The following CDH13 variants were observed in gnomAD, a reference collection of about 807,000 sequenced individuals.
The protein encoded by CDH13 is cadherin-13.
Under a neutral mutation model 63.8 loss-of-function variants are expected in CDH13, and 24 were observed. That is an observed-to-expected ratio of 0.38 (90% CI 0.27 to 0.53). CDH13 has a LOEUF of 0.53. Among genes scored for constraint, CDH13 ranks in the 20% least tolerant of loss-of-function variants. The probability of loss-of-function intolerance (pLI) is 0.85; values close to 1 mark genes in which losing one functional copy is unlikely to be tolerated. For missense variants in CDH13, 1,049 were observed against 903.1 expected (o/e 1.16, Z -2.07); for synonymous variants, 503 against 355.3 (o/e 1.42, Z -4.67).
intron 8 of CDH13, among the ~76,000 whole-genome samples, chr16:83,660,357 C>A (rs1205862480): frequency 6.6e-6 from 1 of 152,168 alleles, no homozygotes; most frequent in African/African-American, 2.4e-5. Flanking sequence ...GTATTAGATT[C>A]TCATGAGGAA....
At chr16:83,660,117 G>C (rs912263930) in intron 8 of CDH13, among the ~76,000 whole-genome samples, 14 of 152,158 alleles carry the variant, frequency 9.2e-5, no homozygotes, top group Non-Finnish European at 2.1e-4. Flanking sequence ...CCAGGAACTG[G>C]TTTTGTGGAA....
At chr16:83,487,679 ACAT>A (rs2073921467) in intron 7 of CDH13, among the ~76,000 whole-genome samples, 1 of 152,084 alleles carries the variant, frequency 6.6e-6, no homozygotes, top group Non-Finnish European at 1.5e-5. Flanking sequence ...CCTGCTCCTG[ACAT>A]CATCCCACAG....
At chr16:82,905,097 G>A (rs1470490306) in intron 2 of CDH13, among the ~76,000 whole-genome samples, 5 of 152,170 alleles carry the variant, frequency 3.3e-5, no homozygotes, top group Non-Finnish European at 5.9e-5. Context: ...TTCTTCAAGG[G>A]AAGTAGGGGG....
intron 3 of CDH13, among the ~76,000 whole-genome samples, chr16:83,119,874 A>G (rs1193447565): frequency 6.6e-6 from 1 of 152,224 alleles, no homozygotes; most frequent in East Asian, 1.9e-4. Context: ...AGAAGTAGAC[A>G]CTTGGCCACA....
At chr16:83,240,622 G>T (rs1034881830) in intron 5 of CDH13, among the ~76,000 whole-genome samples, 2 of 150,766 alleles carry the variant, frequency 1.3e-5, no homozygotes, top group East Asian at 3.9e-4. Flanking sequence ...AAAGAGAGGA[G>T]GGTTGAGGGT....
At chr16:83,259,234 G>T (rs1906665489) in intron 5 of CDH13, among the ~76,000 whole-genome samples, 1 of 152,172 alleles carries the variant, frequency 6.6e-6, no homozygotes, top group African/African-American at 2.4e-5. Context: ...CTGAGCTTCA[G>T]TTTCTCATCT....
intron 1 of CDH13, among the ~76,000 whole-genome samples, chr16:82,724,628 G>A (rs914875117): frequency 6.8e-6 from 1 of 147,518 alleles, no homozygotes; most frequent in Non-Finnish European, 1.5e-5. Flanking sequence ...AGTTCACACT[G>A]TATGTGTGTG....
chr16:83,454,386 C>G lies in CDH13; in HGVS notation c.782-32091C>G, dbSNP rs555026236. Among the ~76,000 whole-genome samples, 3 of 152,138 alleles carry G rather than the reference C, an allele frequency of 2.0e-5. No homozygotes were observed. In the East Asian group the frequency reaches 5.8e-4, roughly 29 times the overall value. On this transcript the variant is annotated intron_variant, in intron 6 of 13. Transcript: ENST00000567109. Reference sequence around the variant, plus strand: ...TTACCTTTTTTAATTCAGAAAATACCTTTTCAATATTGACACTAGAAATCA... The same window carrying G: ...TTACCTTTTTTAATTCAGAAAATACGTTTTCAATATTGACACTAGAAATCA...
intron 10 of CDH13, among the ~76,000 whole-genome samples, chr16:83,736,893 C>T (rs1365057564): frequency 6.6e-6 from 1 of 152,192 alleles, no homozygotes; most frequent in Admixed American, 6.5e-5. Context: ...AGCAGACTTG[C>T]TTGCCTGGAA....
chr16:83,593,173 G>A (rs533102402), intron 7 of CDH13, among the ~76,000 whole-genome samples: 6 of 152,304 alleles, frequency 3.9e-5, no homozygotes, highest in African/African-American at 1.4e-4. Context: ...TTGCAAGGAC[G>A]CTTGTGATGC....
At chr16:82,674,918 C>T (rs908362901) in intron 1 of CDH13, among the ~76,000 whole-genome samples, 1 of 148,730 alleles carries the variant, frequency 6.7e-6, no homozygotes, top group Non-Finnish European at 1.5e-5. Context: ...AAGTCATAAT[C>T]TATTAATTTG....
intron 5 of CDH13, among the ~76,000 whole-genome samples, chr16:83,250,105 C>G (rs1179497771): frequency 6.6e-6 from 1 of 151,976 alleles, no homozygotes; most frequent in Non-Finnish European, 1.5e-5. Flanking sequence ...CCATGGGTGT[C>G]AGAGCAACAG....
chr16:83,393,867 A>G (rs1048489188), intron 6 of CDH13, among the ~76,000 whole-genome samples: 1 of 152,174 alleles, frequency 6.6e-6, no homozygotes. Context: ...GGCAATGAGA[A>G]CTGTAGAGAG....
intron 4 of CDH13, among the ~76,000 whole-genome samples, chr16:83,203,023 C>T (rs570065706): frequency 4.0e-5 from 6 of 151,706 alleles, no homozygotes; most frequent in South Asian, 2.1e-4. Flanking sequence ...GTCACAAGTT[C>T]GAGACCAGCC....
intron 8 of CDH13, among the ~76,000 whole-genome samples, chr16:83,610,389 T>C (rs183340744): frequency 4.2e-4 from 64 of 152,298 alleles, no homozygotes; most frequent in African/African-American, 1.5e-3. Context: ...AACTTCCATA[T>C]GAAAAAAGTA....
intron 1 of CDH13, among the ~76,000 whole-genome samples, chr16:82,759,430 C>T (rs770568109): frequency 4.5e-4 from 69 of 151,790 alleles, no homozygotes; most frequent in Non-Finnish European, 4.9e-4. Context: ...TGGTCTTCAT[C>T]TAAATGAAGT....
chr16:83,726,721 C>G (rs541570815), intron 10 of CDH13, among the ~76,000 whole-genome samples: 101 of 152,208 alleles, frequency 6.6e-4, no homozygotes, highest in African/African-American at 2.3e-3. Context: ...CCCTGTAGTC[C>G]CAGCTACTCG....
chr16:83,681,931 A>G (rs36090029), intron 10 of CDH13, among the ~76,000 whole-genome samples: 54,710 of 151,908 alleles, frequency 0.36, 9,942 homozygotes, highest in Middle Eastern at 0.44. Flanking sequence ...GCACTGGAAG[A>G]AGAAACTTAG....
intron 3 of CDH13, among the ~76,000 whole-genome samples, chr16:83,099,225 A>G (rs1391186471): frequency 6.6e-6 from 1 of 152,224 alleles, no homozygotes; most frequent in East Asian, 1.9e-4. Context: ...ATGTTTACAC[A>G]AAGTAGGTGC....
Sources: allele counts gnomAD v4.1 joint callset (sites outside exome capture counted in the v4.1 genomes callset), GRCh38; gene constraint gnomAD v4.1.1; transcripts MANE v1.5; gene names NCBI Gene and HGNC (gene_info 2026-07-23, HGNC 2026-07-21).